Variants in KHDRBS2 observed in about 807,000 individuals in gnomAD.
KHDRBS2 encodes KH domain-containing, RNA-binding, signal transduction-associated protein 2.
Under a neutral mutation model 44.3 loss-of-function variants are expected in KHDRBS2, and 26 were observed. That is an observed-to-expected ratio of 0.59 (90% CI 0.43 to 0.81). The LOEUF is 0.81. Among genes scored for constraint, KHDRBS2 ranks in the 40% least tolerant of loss-of-function variants. KHDRBS2 has a pLI of 0.00. For synonymous variants in KHDRBS2, 194 were observed against 151.1 expected, an observed-to-expected ratio of 1.28 and a Z score of -2.08; for missense variants, 476 against 433.1, an observed-to-expected ratio of 1.10 and a Z score of -0.88.
chr6:61,996,940 G>A (rs1211157323), intron 3 of KHDRBS2, among the ~76,000 whole-genome samples: 1 of 151,936 alleles, frequency 6.6e-6, no homozygotes, highest in South Asian at 2.1e-4. Context: ...CTGCCACTAT[G>A]CCTGGCTAAT....
intron 1 of KHDRBS2, among the ~76,000 whole-genome samples, chr6:62,281,807 A>C (rs1841847380): frequency 6.6e-6 from 1 of 152,150 alleles, no homozygotes; most frequent in Non-Finnish European, 1.5e-5. Context: ...AAAAAAAATG[A>C]CACATCCTTT....
the KHDRBS2 span, among the ~76,000 whole-genome samples, chr6:61,655,875 T>C: frequency 6.6e-6 from 1 of 152,066 alleles, no homozygotes; most frequent in East Asian, 1.9e-4. Flanking sequence ...TGGAGTTTGT[T>C]TGAAGTTTTT....
chr6:61,590,969 A>G, the KHDRBS2 span, among the ~76,000 whole-genome samples: 6 of 152,342 alleles, frequency 3.9e-5, no homozygotes, highest in Non-Finnish European at 7.3e-5. Flanking sequence ...GTACTTTATA[A>G]TTTACAATAA....
At chr6:61,689,573 C>T (rs909778184) in intron 8 of KHDRBS2, among the ~76,000 whole-genome samples, 2 of 151,916 alleles carry the variant, frequency 1.3e-5, no homozygotes, top group African/African-American at 4.8e-5. Context: ...TAGCTCTTGG[C>T]CCATGATTGA....
chr6:62,051,057 A>G (rs1275462033), intron 2 of KHDRBS2, among the ~76,000 whole-genome samples: 2 of 152,092 alleles, frequency 1.3e-5, no homozygotes, highest in Non-Finnish European at 2.9e-5. Flanking sequence ...AGCAGCAAAA[A>G]TAATATATGG....
chr6:61,835,608 G>C (rs1232768993), intron 6 of KHDRBS2, among the ~76,000 whole-genome samples: 1 of 151,832 alleles, frequency 6.6e-6, no homozygotes, highest in Non-Finnish European at 1.5e-5. Flanking sequence ...CCAAACCCTT[G>C]AGGAATTTTG....
chr6:61,936,424 C>A (rs1013360319), intron 4 of KHDRBS2, among the ~76,000 whole-genome samples: 5 of 151,944 alleles, frequency 3.3e-5, no homozygotes, highest in African/African-American at 1.2e-4. Context: ...GAACTGTCAT[C>A]CATTTTTATT....
chr6:61,745,377 A>C (rs1348709197), intron 6 of KHDRBS2, among the ~76,000 whole-genome samples: 2 of 152,198 alleles, frequency 1.3e-5, no homozygotes, highest in African/African-American at 4.8e-5. Flanking sequence ...CAATCTGTTC[A>C]ACCCAGTTAA....
the KHDRBS2 span, among the ~76,000 whole-genome samples, chr6:61,553,840 T>G: frequency 2.6e-5 from 4 of 152,218 alleles, no homozygotes; most frequent in Non-Finnish European, 5.9e-5. Flanking sequence ...ATTCCTATTT[T>G]TATTGCACTG....
chr6:62,149,219 C>A (rs1228041172), intron 2 of KHDRBS2, among the ~76,000 whole-genome samples: 1 of 152,076 alleles, frequency 6.6e-6, no homozygotes, highest in East Asian at 1.9e-4. Context: ...ACCCACAATT[C>A]TTTCAATTGC....
chr6:61,913,200 C>T (rs893978829), intron 4 of KHDRBS2, among the ~76,000 whole-genome samples: 1 of 152,046 alleles, frequency 6.6e-6, no homozygotes, highest in African/African-American at 2.4e-5. Context: ...CACTTTGATT[C>T]TTTTTCATCC....
intron 4 of KHDRBS2, among the ~76,000 whole-genome samples, chr6:61,956,904 T>TTCATCATCATCATCATCATCATCA (rs113300633): frequency 1.3e-5 from 2 of 148,308 alleles, no homozygotes; most frequent in African/African-American, 5.0e-5. Context: ...GTTATTGGTT[T>TTCATCATCATCATCATCATCATCA]TCATCATCAT....
At chr6:62,004,485 C>G (rs1334088529) in intron 3 of KHDRBS2, among the ~76,000 whole-genome samples, 2 of 151,988 alleles carry the variant, frequency 1.3e-5, no homozygotes, top group African/African-American at 4.8e-5. Flanking sequence ...CTGAATAGAC[C>G]AATAACAGAC....
chr6:61,792,900 T>C (rs1325382985), intron 6 of KHDRBS2, among the ~76,000 whole-genome samples: 1 of 151,922 alleles, frequency 6.6e-6, no homozygotes, highest in African/African-American at 2.4e-5. Flanking sequence ...TGTGTGTACC[T>C]GTGTGTATCC....
At chr6:62,011,756 G>T (rs1461302702) in intron 3 of KHDRBS2, among the ~76,000 whole-genome samples, 1 of 151,952 alleles carries the variant, frequency 6.6e-6, no homozygotes, top group Non-Finnish European at 1.5e-5. Flanking sequence ...GCATTTGTAG[G>T]AATTCTTGAC....
intron 6 of KHDRBS2, among the ~76,000 whole-genome samples, chr6:61,884,994 G>A (rs1800739226): frequency 6.6e-6 from 1 of 151,922 alleles, no homozygotes; most frequent in African/African-American, 2.4e-5. Context: ...ATCCATAGTT[G>A]GCAGGAAAGT....
chr6:61,769,338 G>A (rs1354788852), intron 6 of KHDRBS2, among the ~76,000 whole-genome samples: 3 of 152,102 alleles, frequency 2.0e-5, no homozygotes, highest in Non-Finnish European at 4.4e-5. Context: ...GCAGCGCACT[G>A]TGCACGAGCT....
intron 3 of KHDRBS2, among the ~76,000 whole-genome samples, chr6:61,984,565 G>C (rs1164577301): frequency 6.6e-6 from 1 of 152,066 alleles, no homozygotes; most frequent in Non-Finnish European, 1.5e-5. Context: ...CAATCAGGGA[G>C]GCTCTGGACT....
chr6:61,589,427 A>C, the KHDRBS2 span, among the ~76,000 whole-genome samples: 1 of 152,182 alleles, frequency 6.6e-6, no homozygotes, highest in African/African-American at 2.4e-5. Flanking sequence ...TCCTATAGTT[A>C]AGAGTAAGTA....
Sources: allele counts gnomAD v4.1 joint callset (sites outside exome capture counted in the v4.1 genomes callset), GRCh38; gene constraint gnomAD v4.1.1; transcripts MANE v1.5; gene names NCBI Gene and HGNC (gene_info 2026-07-23, HGNC 2026-07-21).